EYS: variants seen among roughly 807,000 people sequenced by gnomAD.
The protein encoded by EYS is protein eyes shut homolog.
A neutral mutation model predicts 282.1 loss-of-function variants in EYS; 250 were observed. The observed-to-expected ratio is 0.89, with a 90% CI of 0.80 to 0.98. The LOEUF (loss-of-function observed/expected upper bound fraction) is 0.98, where lower values mean the gene tolerates loss of function less well. EYS is among the 50% of genes least tolerant of loss of function. The pLI is 0.00. For missense variants in EYS, 4,016 were observed against 3,709.0 expected, an observed-to-expected ratio of 1.08 and a Z score of -2.15; for synonymous variants, 1,355 against 1,282.9, an observed-to-expected ratio of 1.06 and a Z score of -1.20.
chr6:64,541,001 G>A (rs1234597214), intron 26 of EYS, among the ~76,000 whole-genome samples: 2 of 152,164 alleles, frequency 1.3e-5, no homozygotes, highest in Non-Finnish European at 2.9e-5. Context: ...CGGCGGCTGA[G>A]TTAATTTTTC....
In EYS at chr6:65,052,699, T is replaced by C. The variant is rs1038253532; in HGVS notation, c.2137+4915A>G. Among the ~76,000 whole-genome samples the C allele has an allele frequency of 1.5e-4, 22 of 151,646 alleles. 1 individual carries two copies. The highest frequency in any genetic ancestry group is 1.3e-3 in the Admixed American group (19 of 15,164). On this transcript the variant is annotated intron_variant, in intron 13 of 42. Coordinates refer to ENST00000503581, the MANE Select transcript of EYS (RefSeq NM_001142800.2). ...AACTCATTTTTACATATTAAAATTT[T>C]TGTTCATTTCTGAAGAAAAATTAAG...
intron 35 of EYS, among the ~76,000 whole-genome samples, chr6:63,944,545 C>A (rs1200581027): frequency 1.3e-5 from 2 of 152,170 alleles, no homozygotes; most frequent in African/African-American, 2.4e-5. Flanking sequence ...CTAGTTAACA[C>A]ATGCATTACC....
chr6:65,191,788 C>A (rs934854473), intron 12 of EYS, among the ~76,000 whole-genome samples: 2 of 151,796 alleles, frequency 1.3e-5, no homozygotes, highest in African/African-American at 4.8e-5. Flanking sequence ...TTCAATACAG[C>A]ATGTATGTAT....
intron 12 of EYS, among the ~76,000 whole-genome samples, chr6:65,277,331 G>A (rs1049370336): frequency 5.3e-5 from 8 of 151,908 alleles, no homozygotes; most frequent in African/African-American, 1.9e-4. Context: ...TACTCAGGAG[G>A]CTGAGGCAAA....
At chr6:64,607,471 A>C (rs1224887226) in intron 24 of EYS, among the ~76,000 whole-genome samples, 1 of 152,068 alleles carries the variant, frequency 6.6e-6, no homozygotes, top group East Asian at 1.9e-4. Flanking sequence ...GTGCCTTCTA[A>C]CTATGTCCTC....
intron 35 of EYS, among the ~76,000 whole-genome samples, chr6:63,892,315 C>G (rs1773429348): frequency 6.6e-6 from 1 of 152,162 alleles, no homozygotes. Flanking sequence ...CATCACACTA[C>G]CTGACTTCAA....
Position 64,591,974 on chromosome 6 carries a change from C to A in EYS, c.3893G>T (p.Gly1298Val). ...YPVDQGPKQT[G>V]IVKHDILPTT... Reference sequence around the variant, plus strand: ...TGGGAGAATGTCGTGCTTGACAATGCCTGTCTGTTTTGGACCTACAAAAAG... The same window carrying A: ...TGGGAGAATGTCGTGCTTGACAATGACTGTCTGTTTTGGACCTACAAAAAG... The change falls in exon 26 of 43, where the codon GGC becomes GTC. Residue 1298 changes from glycine to valine, a missense_variant. By Grantham distance (109) the Gly-to-Val change is moderately radical. Coordinates refer to ENST00000503581, the MANE Select transcript of EYS (RefSeq NM_001142800.2). 6.7e-7 allele frequency: 1 copy of A among 1,492,434 alleles called. No homozygotes were observed. The highest frequency in any genetic ancestry group is 8.9e-7 in the Non-Finnish European group (1 of 1,118,852). The allele number at this position is 1,492,434 out of a possible 1,614,324, so 92.4% of individuals were successfully genotyped here.
At chr6:64,858,332 G>A (rs192928532) in intron 19 of EYS, among the ~76,000 whole-genome samples, 1 of 152,116 alleles carries the variant, frequency 6.6e-6, no homozygotes, top group Non-Finnish European at 1.5e-5. Context: ...AGTTTTTCCA[G>A]CATCACTGAT....
chr6:65,288,427 T>C (rs1245482080), intron 12 of EYS, among the ~76,000 whole-genome samples: 1 of 150,476 alleles, frequency 6.6e-6, no homozygotes, highest in Non-Finnish European at 1.5e-5. Context: ...GGACTAAGAA[T>C]ACGAGATAGA....
intron 41 of EYS, among the ~76,000 whole-genome samples, chr6:63,760,341 A>G (rs1314597192): frequency 6.6e-6 from 1 of 152,068 alleles, no homozygotes; most frequent in East Asian, 1.9e-4. Context: ...GCTATAACAT[A>G]AATGAGCAAA....
intron 14 of EYS, among the ~76,000 whole-genome samples, chr6:64,969,418 T>C (rs1057065224): frequency 6.6e-6 from 1 of 152,168 alleles, no homozygotes; most frequent in Non-Finnish European, 1.5e-5. Context: ...TCTTGCTGGG[T>C]ATCATTAAGG....
At chr6:64,703,651 C>G (rs1184228822) in intron 22 of EYS, among the ~76,000 whole-genome samples, 1 of 151,308 alleles carries the variant, frequency 6.6e-6, no homozygotes, top group African/African-American at 2.4e-5. Flanking sequence ...TGGTTCATTA[C>G]AACATTCATG....
intron 31 of EYS, among the ~76,000 whole-genome samples, chr6:64,195,132 G>GT (rs1765243365): frequency 1.3e-5 from 2 of 151,696 alleles, no homozygotes; most frequent in Non-Finnish European, 1.5e-5. Context: ...AAGCATCACT[G>GT]TTTTTTGCAT....
At chr6:64,096,814 G>A (rs755972099) in intron 31 of EYS, among the ~76,000 whole-genome samples, 2 of 152,224 alleles carry the variant, frequency 1.3e-5, no homozygotes, top group Non-Finnish European at 2.9e-5. Context: ...TTCCTTTGGA[G>A]GAGGAGAGCT....
chr6:63,848,586 G>C (rs977126039), intron 36 of EYS, among the ~76,000 whole-genome samples: 1 of 151,946 alleles, frequency 6.6e-6, no homozygotes, highest in African/African-American at 2.4e-5. Context: ...AAGGGGCTGG[G>C]AACTCCATCC....
chr6:63,737,103 G>C (rs1768934541), intron 41 of EYS, among the ~76,000 whole-genome samples: 1 of 150,368 alleles, frequency 6.7e-6, no homozygotes, highest in Admixed American at 6.6e-5. Context: ...TAATTGCCCT[G>C]GCCAGAACTT....
chr6:64,789,184 T>C (rs1774107569), intron 22 of EYS, among the ~76,000 whole-genome samples: 2 of 152,224 alleles, frequency 1.3e-5, no homozygotes, highest in African/African-American at 2.4e-5. Context: ...CTTTCTAAAA[T>C]ACAAAGATGA....
intron 19 of EYS, among the ~76,000 whole-genome samples, chr6:64,862,038 C>G (rs1766255422): frequency 6.6e-6 from 1 of 152,126 alleles, no homozygotes; most frequent in Admixed American, 6.5e-5. Flanking sequence ...CTTTATTTCT[C>G]TTTAATTTTT....
At chr6:63,983,527 C>T (rs947765690) in intron 35 of EYS, among the ~76,000 whole-genome samples, 1 of 151,626 alleles carries the variant, frequency 6.6e-6, no homozygotes, top group South Asian at 2.1e-4. Flanking sequence ...GATAAAATTT[C>T]TCTCTTTTCT....
Sources: allele counts gnomAD v4.1 joint callset (sites outside exome capture counted in the v4.1 genomes callset), GRCh38; gene constraint gnomAD v4.1.1; transcripts MANE v1.5; gene names NCBI Gene and HGNC (gene_info 2026-07-23, HGNC 2026-07-21).